The following GPN3 variants were observed in gnomAD, a reference collection of about 807,000 sequenced individuals.
The protein encoded by GPN3 is ATP-binding domain 1 family member C.
A neutral mutation model predicts 38.7 loss-of-function variants in GPN3; 31 were observed. That is an observed-to-expected ratio of 0.80 (90% CI 0.60 to 1.08). The LOEUF (loss-of-function observed/expected upper bound fraction) is 1.08, where lower values mean the gene tolerates loss of function less well. Ranked by LOEUF, GPN3 falls within the 50% of genes least tolerant of loss-of-function variation. The probability of loss-of-function intolerance (pLI) is 0.00; values close to 1 mark genes in which losing one functional copy is unlikely to be tolerated. For missense variants in GPN3, 301 were observed against 354.4 expected (o/e 0.85, Z 1.21); for synonymous variants, 116 against 120.2 (o/e 0.96, Z 0.23).
chr12:110,464,801 G>C, intron 2 of GPN3: 1 of 316,134 alleles, frequency 3.2e-6, no homozygotes, highest in Admixed American at 4.1e-5. Flanking sequence ...CACCATGTTG[G>C]TCAGGCTGGT....
chr12:110,468,567 C>T, upstream of GPN3: 4 of 1,537,302 alleles, frequency 2.6e-6, no homozygotes, highest in Non-Finnish European at 3.5e-6. Context: ...TATGGTGACC[C>T]TCGCGATTTG....
chr12:110,468,173 G>T lies in GPN3; in HGVS notation c.31C>A (p.Pro11Thr). 6.2e-7 allele frequency: 1 copy of T among 1,612,978 alleles called. No individual in the cohort carries two copies. Residue 11 changes from proline to threonine, a missense_variant, in exon 1 of 8, where the codon CCC becomes ACC. Pro to Thr is a conservative substitution (Grantham distance 38). Transcript: ENST00000228827. MPRYAQLVMGPAGSGKSTYCA... is the reference protein window; with the variant it reads MPRYAQLVMGTAGSGKSTYCA... ...ATCCTCACCTTCCCGCTGCCCGCGG[G>T]GCCCATGACCAGCTGCGCATACCGA...
rs535453531 is a variant in GPN3, at chr12:110,462,089, T to G, written c.158-2227A>C. On this transcript the variant is annotated intron_variant, in intron 2 of 7. Coordinates refer to ENST00000228827, the MANE Select transcript of GPN3 (RefSeq NM_016301.4). ...AACTCCTGGGTTCAGGCCATCCATC[T>G]GCTTTGGCCTCCCAAAGTACTGGGA... is the stretch of plus-strand genomic sequence containing the variant. Among the ~76,000 whole-genome samples, 3 of 152,290 alleles carry G rather than the reference T, an allele frequency of 2.0e-5. No homozygotes were observed. The South Asian group carries it at 6.2e-4, about 32-fold the overall frequency.
At chr12:110,465,639 T>A (rs1355992526) in intron 1 of GPN3, among the ~76,000 whole-genome samples, 1 of 152,186 alleles carries the variant, frequency 6.6e-6, no homozygotes, top group Non-Finnish European at 1.5e-5. Context: ...TATGAGTATA[T>A]GAGAAGGAGT....
At chr12:110,456,329 C>G in intron 4 of GPN3, among the ~76,000 whole-genome samples, 1 of 67,052 alleles carries the variant, frequency 1.5e-5, no homozygotes, top group South Asian at 5.2e-4. Flanking sequence ...AACTTGGTCT[C>G]AAAAAAAAAA....
At chr12:110,468,486 A>C, upstream of GPN3, 1 of 1,537,244 alleles carries the variant, frequency 6.5e-7, no homozygotes, top group Non-Finnish European at 8.7e-7. Context: ...GTAATAACGG[A>C]CAACAGATAA....
In GPN3 at chr12:110,468,222, C is replaced by A. The variant is rs201760889; in HGVS notation, c.-19G>T. 1.9e-6 allele frequency: 3 copies of A among 1,607,864 alleles called. No individual in the cohort carries two copies. The highest frequency in any genetic ancestry group is 2.7e-5 in the African/African-American group (2 of 75,044). Reference sequence around the variant, plus strand: ...GAGGCATGTTGGCTCCCGGAGCCGCCCGCCACACTCCCTTAGCCTTCGCGC... The same window carrying A: ...GAGGCATGTTGGCTCCCGGAGCCGCACGCCACACTCCCTTAGCCTTCGCGC... On this transcript the variant is annotated 5_prime_UTR_variant, in exon 1 of 8. Coordinates refer to ENST00000228827, the MANE Select transcript of GPN3 (RefSeq NM_016301.4).
At chr12:110,465,013 TATA>T in intron 2 of GPN3, 90 bp downstream of exon 2, 1 of 761,550 alleles carries the variant, frequency 1.3e-6, no homozygotes, top group East Asian at 2.5e-5. Flanking sequence ...GGATCCAGAC[TATA>T]ATAAGTATCA....
In GPN3 at chr12:110,453,080, G is replaced by C. The variant is rs2062524420; in HGVS notation, c.809C>G (p.Ser270Cys). 4 of 1,455,266 alleles carry C rather than the reference G, an allele frequency of 2.7e-6. No homozygotes were observed. The highest frequency in any genetic ancestry group is 3.9e-6 in the Non-Finnish European group (4 of 1,038,264). The allele number at this position is 1,455,266 out of a possible 1,614,324, so 90.1% of individuals were successfully genotyped here. Reference sequence around the variant, plus strand: ...AAAATATTCGTCAAACATAGAGGAAGACTCATCTTCACGTTCCTGACACAA... The same window carrying C: ...AAAATATTCGTCAAACATAGAGGAACACTCATCTTCACGTTCCTGACACAA... Reference protein sequence around the residue: ...FKEPKEREDESSSMFDEYFQE... With the variant: ...FKEPKEREDECSSMFDEYFQE... The change falls in exon 8 of 8, where the codon TCT becomes TGT. Residue 270 changes from serine to cysteine, a missense_variant. By Grantham distance (112) the Ser-to-Cys change is moderately radical. Coordinates refer to ENST00000228827, the MANE Select transcript of GPN3 (RefSeq NM_016301.4).
At chr12:110,467,916 G>C (rs2062647472) in intron 1 of GPN3, among the ~76,000 whole-genome samples, 1 of 152,174 alleles carries the variant, frequency 6.6e-6, no homozygotes, top group Admixed American at 6.6e-5. Context: ...GGTTGTTGTA[G>C]AAATAAGCGA....
chr12:110,463,357 G>A (rs2062604506), intron 2 of GPN3, among the ~76,000 whole-genome samples: 1 of 151,846 alleles, frequency 6.6e-6, no homozygotes, highest in Non-Finnish European at 1.5e-5. Flanking sequence ...TTGGGAGGTA[G>A]GAGGATTGCT....
chr12:110,465,362 G>C (rs552640379), intron 1 of GPN3, 148 bp from the exon 2 acceptor site: 2 of 645,088 alleles, frequency 3.1e-6, no homozygotes, highest in African/African-American at 3.6e-5. Context: ...ACCTGACTGG[G>C]CTGCAGATTC....
intron 2 of GPN3, among the ~76,000 whole-genome samples, chr12:110,464,591 CTTTT>C (rs890127843): frequency 7.4e-6 from 1 of 134,354 alleles, no homozygotes; most frequent in Non-Finnish European, 1.6e-5. Context: ...TGTCCATTTA[CTTTT>C]TTTTTTTTTT....
chr12:110,453,881 G>A lies in GPN3; in HGVS notation c.664-10C>T. 6.3e-7 allele frequency: 1 copy of A among 1,591,886 alleles called. No individual in the cohort carries two copies. Among genetic ancestry groups the A allele is most frequent in the South Asian group, 1.1e-5 (1 of 87,136 alleles). On this transcript the variant is annotated splice_polypyrimidine_tract_variant and intron_variant, in intron 6 of 7. Transcript: ENST00000228827. Reference sequence around the variant, plus strand: ...TGCTGTAGTCATCAATCTACAAGTTGTGGATTTCAAGAAAAGTTCATTCTG... The same window carrying A: ...TGCTGTAGTCATCAATCTACAAGTTATGGATTTCAAGAAAAGTTCATTCTG...
chr12:110,456,528 C>T (rs568853538), intron 4 of GPN3, among the ~76,000 whole-genome samples: 1 of 152,102 alleles, frequency 6.6e-6, no homozygotes, highest in South Asian at 2.1e-4. Flanking sequence ...TCAATTTAGA[C>T]AGCATTTTAA....
intron 2 of GPN3, among the ~76,000 whole-genome samples, chr12:110,464,059 T>C (rs1003812195): frequency 6.6e-6 from 1 of 151,858 alleles, no homozygotes; most frequent in Non-Finnish European, 1.5e-5. Context: ...GGACTTGAAC[T>C]CCTGGGCTCA....
At chr12:110,466,143 C>T (rs1439924264) in intron 1 of GPN3, among the ~76,000 whole-genome samples, 2 of 151,726 alleles carry the variant, frequency 1.3e-5, no homozygotes, top group East Asian at 3.9e-4. Flanking sequence ...AGAGATGTGT[C>T]TTATTCAGTT....
intron 2 of GPN3, chr12:110,464,788 T>C: frequency 3.6e-6 from 1 of 277,276 alleles, no homozygotes. Flanking sequence ...AGAGACAGGG[T>C]TTCACCATGT....
Position 110,468,193 on chromosome 12 carries a change from T to A in GPN3, c.11A>T (p.Tyr4Phe). 1 of 1,609,484 alleles carries A rather than the reference T, an allele frequency of 6.2e-7. No individual in the cohort carries two copies. Among genetic ancestry groups the A allele is most frequent in the Admixed American group, 1.7e-5 (1 of 60,006 alleles). Residue 4 changes from tyrosine (Y) to phenylalanine (F), a missense_variant, in exon 1 of 8, where the codon TAT (tyrosine) becomes TTT (phenylalanine). Transcript: ENST00000228827. ...CGCGGGGCCCATGACCAGCTGCGCA[T>A]ACCGAGGCATGTTGGCTCCCGGAGC... MPR[Y>F]AQLVMGPAGS...
Sources: gnomAD v4.1 joint callset for allele counts (sites outside exome capture counted in the v4.1 genomes callset) on GRCh38, gnomAD v4.1.1 for gene constraint, MANE v1.5 for transcripts, NCBI Gene and HGNC (gene_info 2026-07-23, HGNC 2026-07-21) for gene names.